CTNNA3: variants seen among roughly 807,000 people sequenced by gnomAD.
CTNNA3 encodes catenin alpha 3.
In CTNNA3, 76 loss-of-function variants were observed where a neutral mutation model predicts 95.7. The ratio of observed to expected loss-of-function variants is 0.79; its 90% confidence interval spans 0.66 to 0.96. CTNNA3 has a LOEUF of 0.96. Ranked by LOEUF, CTNNA3 falls within the 40% of genes least tolerant of loss-of-function variation. The pLI is 0.00. For synonymous variants in CTNNA3, 431 were observed against 374.4 expected, an observed-to-expected ratio of 1.15 and a Z score of -1.74; for missense variants, 1,191 against 1,089.8, an observed-to-expected ratio of 1.09 and a Z score of -1.31.
chr10:66,823,100 G>C (rs1280789608), intron 7 of CTNNA3, among the ~76,000 whole-genome samples: 1 of 152,206 alleles, frequency 6.6e-6, no homozygotes, highest in Non-Finnish European at 1.5e-5. Flanking sequence ...TCCCAGACCA[G>C]TCTCTCAGAG....
intron 5 of CTNNA3, among the ~76,000 whole-genome samples, chr10:67,239,327 C>G (rs554469974): frequency 4.0e-4 from 59 of 147,110 alleles, no homozygotes; most frequent in Non-Finnish European, 7.7e-4. Context: ...GGACACAACC[C>G]AGAGTAATGA....
intron 17 of CTNNA3, among the ~76,000 whole-genome samples, chr10:65,959,445 A>G (rs1231832264): frequency 6.6e-6 from 1 of 152,168 alleles, no homozygotes; most frequent in Non-Finnish European, 1.5e-5. Context: ...TTGGAAATGC[A>G]GAAATCACCC....
intron 9 of CTNNA3, among the ~76,000 whole-genome samples, chr10:66,720,347 G>C (rs145136120): frequency 2.4e-4 from 36 of 151,084 alleles, no homozygotes; most frequent in Non-Finnish European, 5.3e-4. Flanking sequence ...TAAACAGCTG[G>C]AGAGCAAAGC....
In CTNNA3 at chr10:66,966,806, A is replaced by G. The variant is rs1849440288; in HGVS notation, c.1048-191282T>C. Among the ~76,000 whole-genome samples, 3 of 152,226 alleles carry G rather than the reference A, an allele frequency of 2.0e-5. No individual in the cohort carries two copies. In the South Asian group the frequency reaches 6.2e-4, roughly 32 times the overall value. ...AATATGGAAAAAAACAACATGAATC[A>G]GTGTGCTCTCACATCTCCATATCTC... On this transcript the variant is annotated intron_variant, in intron 7 of 17. Transcript: ENST00000433211.
rs1007014289 is a variant in CTNNA3, at chr10:67,254,494, T to C, written c.580-34624A>G. ...AAGGTAATAGGATTGCTACTACAGA[T>C]GGCACTGGAACCTAGGTCTTTCTGA... On this transcript the variant is annotated intron_variant, in intron 5 of 17. Transcript: ENST00000433211. Among the ~76,000 whole-genome samples, 55 of 152,266 alleles carry C rather than the reference T, an allele frequency of 3.6e-4. 1 individual carries two copies. Among genetic ancestry groups the C allele is most frequent in the African/African-American group, 1.2e-3 (51 of 41,554 alleles).
Position 67,219,855 on chromosome 10 carries a change from T to C in CTNNA3, c.595A>G (p.Asn199Asp), listed in dbSNP as rs1445037588. The change falls in exon 6 of 18, where the codon AAT (asparagine) becomes GAT (aspartate). Residue 199 changes from asparagine to aspartate, a missense_variant. By Grantham distance (23) the Asn-to-Asp change is conservative. Transcript: ENST00000433211. ...GCTCCTGCAATTTCATCTCTCTGAT[T>C]TGGAGATTTTAAGTCCTGAGAAGGT... is the stretch of plus-strand genomic sequence containing the variant. ...FKRQQDLKSP[N>D]QRDEIAGARA... 2.5e-6 allele frequency: 4 copies of C among 1,610,968 alleles called. No homozygotes were observed. The highest frequency in any genetic ancestry group is 1.3e-5 in the African/African-American group (1 of 74,850).
At chr10:66,320,726 C>T (rs2092171392) in intron 12 of CTNNA3, among the ~76,000 whole-genome samples, 1 of 151,990 alleles carries the variant, frequency 6.6e-6, no homozygotes, top group Non-Finnish European at 1.5e-5. Flanking sequence ...TGTAAAAATA[C>T]TTTTGACCTA....
At chr10:66,829,137 C>T (rs1461319361) in intron 7 of CTNNA3, among the ~76,000 whole-genome samples, 1 of 152,176 alleles carries the variant, frequency 6.6e-6, no homozygotes, top group Non-Finnish European at 1.5e-5. Context: ...GAAAAAATGT[C>T]TCTGGTACAA....
At chr10:67,204,378 CT>C (rs144745538) in intron 6 of CTNNA3, among the ~76,000 whole-genome samples, 4,629 of 145,832 alleles carry the variant, frequency 0.032, 230 homozygotes, top group African/African-American at 0.11. Flanking sequence ...ACCTCCCCCC[CT>C]CTCTCTTCCT....
At chr10:67,543,158 T>C (rs1831283824) in intron 3 of CTNNA3, among the ~76,000 whole-genome samples, 1 of 152,094 alleles carries the variant, frequency 6.6e-6, no homozygotes, top group Non-Finnish European at 1.5e-5. Context: ...ACTGAGTCCA[T>C]TTAGTTCCTT....
intron 13 of CTNNA3, among the ~76,000 whole-genome samples, chr10:66,148,919 C>G (rs181187592): frequency 6.6e-6 from 1 of 151,660 alleles, no homozygotes; most frequent in East Asian, 1.9e-4. Flanking sequence ...AAATAGATTA[C>G]AAATCTAAAT....
At chr10:66,963,199 C>CTA (rs1849214686) in intron 7 of CTNNA3, among the ~76,000 whole-genome samples, 1 of 152,130 alleles carries the variant, frequency 6.6e-6, no homozygotes, top group Non-Finnish European at 1.5e-5. Flanking sequence ...GGCTCACAAC[C>CTA]ACATGGGACA....
At chr10:67,214,975 C>A (rs1352324626) in intron 6 of CTNNA3, among the ~76,000 whole-genome samples, 1 of 152,016 alleles carries the variant, frequency 6.6e-6, no homozygotes, top group Admixed American at 6.6e-5. Context: ...AGAATGGTGA[C>A]TTCCATCAGT....
intron 12 of CTNNA3, among the ~76,000 whole-genome samples, chr10:66,332,504 G>T (rs968008260): frequency 4.0e-5 from 6 of 151,858 alleles, no homozygotes; most frequent in Admixed American, 2.6e-4. Context: ...TTTGTCATTG[G>T]TTCTGTTTAT....
At chr10:66,907,455 T>C (rs939973312) in intron 7 of CTNNA3, among the ~76,000 whole-genome samples, 1 of 152,154 alleles carries the variant, frequency 6.6e-6, no homozygotes, top group African/African-American at 2.4e-5. Context: ...CTTTTTCTCC[T>C]CTCTTTGAAA....
intron 1 of CTNNA3, among the ~76,000 whole-genome samples, chr10:67,647,955 A>G (rs1162653940): frequency 2.6e-5 from 4 of 152,184 alleles, no homozygotes; most frequent in Non-Finnish European, 4.4e-5. Context: ...TAAACCTTTG[A>G]AAGACATGGG....
At chr10:66,224,620 T>C (rs1452830516) in intron 13 of CTNNA3, among the ~76,000 whole-genome samples, 1 of 152,126 alleles carries the variant, frequency 6.6e-6, no homozygotes, top group Non-Finnish European at 1.5e-5. Context: ...TCTAATGTAA[T>C]TGAGAAGATG....
At chr10:66,287,838 C>T (rs1387263594) in intron 12 of CTNNA3, among the ~76,000 whole-genome samples, 1 of 152,076 alleles carries the variant, frequency 6.6e-6, no homozygotes, top group South Asian at 2.1e-4. Flanking sequence ...GGCACACATA[C>T]TCTTAAAACA....
At chr10:67,406,504 C>A (rs1022671136) in intron 5 of CTNNA3, among the ~76,000 whole-genome samples, 2 of 151,890 alleles carry the variant, frequency 1.3e-5, no homozygotes, top group Non-Finnish European at 2.9e-5. Context: ...AACATCACAA[C>A]TAAAAGAACT....
Sources: allele counts gnomAD v4.1 joint callset (sites outside exome capture counted in the v4.1 genomes callset), GRCh38; gene constraint gnomAD v4.1.1; transcripts MANE v1.5; gene names NCBI Gene and HGNC (gene_info 2026-07-23, HGNC 2026-07-21).